GALNT13: variants seen among roughly 807,000 people sequenced by gnomAD.
GALNT13 encodes UDP-GalNAc:polypeptide N-acetylgalactosaminyltransferase 13.
A neutral mutation model predicts 64.2 loss-of-function variants in GALNT13; 28 were observed. The observed-to-expected ratio is 0.44, with a 90% CI of 0.32 to 0.60. The LOEUF (loss-of-function observed/expected upper bound fraction) is 0.60, where lower values mean the gene tolerates loss of function less well. Among genes scored for constraint, GALNT13 ranks in the 20% least tolerant of loss-of-function variants. GALNT13 has a pLI of 0.05. For missense variants in GALNT13, 577 were observed against 669.8 expected, an observed-to-expected ratio of 0.86 and a Z score of 1.53; for synonymous variants, 214 against 224.6, an observed-to-expected ratio of 0.95 and a Z score of 0.42.
the GALNT13 span, among the ~76,000 whole-genome samples, chr2:153,528,325 A>C: frequency 6.6e-6 from 1 of 152,042 alleles, no homozygotes. Flanking sequence ...CTATAAGAAG[A>C]TACAAAGAAG....
chr2:153,190,776 G>A, the GALNT13 span, among the ~76,000 whole-genome samples: 1 of 151,876 alleles, frequency 6.6e-6, no homozygotes, highest in Non-Finnish European at 1.5e-5. Context: ...TATAGGTTTT[G>A]TAGAGGTCTT....
the GALNT13 span, among the ~76,000 whole-genome samples, chr2:153,403,959 A>G: frequency 6.6e-6 from 1 of 152,162 alleles, no homozygotes; most frequent in Admixed American, 6.5e-5. Context: ...CTCCAGGTGA[A>G]CAGATTTTTA....
chr2:153,406,928 C>T, the GALNT13 span, among the ~76,000 whole-genome samples: 1 of 152,010 alleles, frequency 6.6e-6, no homozygotes, highest in South Asian at 2.1e-4. Context: ...CAGCTTAAAA[C>T]TGTAAGTCTA....
At chr2:153,771,742 C>G in the GALNT13 span, among the ~76,000 whole-genome samples, 3 of 152,134 alleles carry the variant, frequency 2.0e-5, no homozygotes, top group African/African-American at 7.2e-5. Context: ...GCGGAGAGGA[C>G]TCCAGTGCCC....
chr2:153,176,884 TA>T, the GALNT13 span, among the ~76,000 whole-genome samples: 9 of 151,788 alleles, frequency 5.9e-5, no homozygotes, highest in African/African-American at 9.7e-5. Context: ...TTTTAAATGA[TA>T]AAAAAAACTA....
chr2:154,446,022 A>G, intron 12 of GALNT13: 1 of 366,308 alleles, frequency 2.7e-6, no homozygotes, highest in East Asian at 7.4e-5. Context: ...ACATCTAACA[A>G]AGGTGGCAAT....
chr2:153,069,094 T>C, the GALNT13 span, among the ~76,000 whole-genome samples: 1 of 152,182 alleles, frequency 6.6e-6, no homozygotes, highest in African/African-American at 2.4e-5. Flanking sequence ...TGTGCAAGAA[T>C]GCCCTGTAGG....
At chr2:153,644,125 A>G in the GALNT13 span, among the ~76,000 whole-genome samples, 3 of 152,080 alleles carry the variant, frequency 2.0e-5, no homozygotes, top group African/African-American at 7.2e-5. Context: ...CATTATTTGT[A>G]GGTGATATGA....
At chr2:153,680,942 C>T in the GALNT13 span, among the ~76,000 whole-genome samples, 8 of 151,918 alleles carry the variant, frequency 5.3e-5, no homozygotes, top group Non-Finnish European at 8.8e-5. Flanking sequence ...CAGGGATAGC[C>T]TTAAGGAATT....
intron 3 of GALNT13, among the ~76,000 whole-genome samples, chr2:154,065,185 T>C (rs2105375603): frequency 1.3e-5 from 2 of 152,160 alleles, no homozygotes; most frequent in South Asian, 4.1e-4. Context: ...CTTTGTCTTG[T>C]GGTTTGGGTG....
intron 3 of GALNT13, among the ~76,000 whole-genome samples, chr2:154,090,377 A>T (rs1316524432): frequency 1.3e-5 from 2 of 152,108 alleles, no homozygotes; most frequent in African/African-American, 2.4e-5. Flanking sequence ...ATTTTATAAT[A>T]GTAAGAAAAT....
intron 3 of GALNT13, among the ~76,000 whole-genome samples, chr2:154,065,121 G>T (rs976937115): frequency 4.6e-5 from 7 of 152,144 alleles, no homozygotes; most frequent in African/African-American, 1.7e-4. Flanking sequence ...TGGCAGTGGG[G>T]ACCACAGGGA....
the GALNT13 span, among the ~76,000 whole-genome samples, chr2:153,658,593 T>C: frequency 2.6e-5 from 4 of 152,284 alleles, no homozygotes; most frequent in East Asian, 3.9e-4. Context: ...TTAAAAATTA[T>C]CAAATAGTGC....
intron 8 of GALNT13, among the ~76,000 whole-genome samples, chr2:154,272,319 C>A (rs944352814): frequency 1.3e-5 from 2 of 151,968 alleles, no homozygotes; most frequent in African/African-American, 4.8e-5. Flanking sequence ...ACATACTAAG[C>A]AGAATGTCCC....
At chr2:154,170,910 G>T (rs1381446973) in intron 4 of GALNT13, among the ~76,000 whole-genome samples, 1 of 152,098 alleles carries the variant, frequency 6.6e-6, no homozygotes, top group Non-Finnish European at 1.5e-5. Flanking sequence ...GAACAACTTG[G>T]GTAGTTTGCT....
chr2:154,162,044 G>A (rs10460402), intron 4 of GALNT13, among the ~76,000 whole-genome samples: 19,833 of 152,202 alleles, frequency 0.13, 1,425 homozygotes, highest in South Asian at 0.21. Context: ...GCCTCCCAAA[G>A]TGGTGGGATT....
At chr2:153,423,692 GA>G in the GALNT13 span, among the ~76,000 whole-genome samples, 1 of 151,690 alleles carries the variant, frequency 6.6e-6, no homozygotes, top group Non-Finnish European at 1.5e-5. Context: ...GAAGCAACGA[GA>G]GTACTAGAAA....
the GALNT13 span, among the ~76,000 whole-genome samples, chr2:153,692,894 G>T: frequency 6.6e-6 from 1 of 152,136 alleles, no homozygotes; most frequent in Admixed American, 6.5e-5. Context: ...TCATGGGGTT[G>T]CTATTGTGGG....
chr2:154,162,219 T>A (rs1684774116), intron 4 of GALNT13, among the ~76,000 whole-genome samples: 1 of 152,376 alleles, frequency 6.6e-6, no homozygotes, highest in Middle Eastern at 3.4e-3. Context: ...GAAATTGTTG[T>A]TGATAAAAGA....
Sources: gnomAD v4.1 joint callset for allele counts (sites outside exome capture counted in the v4.1 genomes callset) on GRCh38, gnomAD v4.1.1 for gene constraint, MANE v1.5 for transcripts, NCBI Gene and HGNC (gene_info 2026-07-23, HGNC 2026-07-21) for gene names.